Variants in ZDHHC20 observed in about 807,000 individuals in gnomAD.
ZDHHC20 encodes the protein palmitoyltransferase ZDHHC20.
ZDHHC20 carries 43 observed loss-of-function variants against 57.8 expected under a neutral mutation model. That is an observed-to-expected ratio of 0.74 (90% CI 0.58 to 0.96). The LOEUF is 0.96. Among genes scored for constraint, ZDHHC20 ranks in the 40% least tolerant of loss-of-function variants. The pLI, the probability that ZDHHC20 is intolerant of heterozygous loss-of-function variation, is 0.00. For missense variants in ZDHHC20, 391 were observed against 441.1 expected (o/e 0.89, Z 1.02); for synonymous variants, 157 against 153.0 (o/e 1.03, Z -0.19).
At chr13:21,425,271 A>T (rs1184274934) in intron 2 of ZDHHC20, among the ~76,000 whole-genome samples, 1 of 152,174 alleles carries the variant, frequency 6.6e-6, no homozygotes, top group Admixed American at 6.6e-5. Flanking sequence ...AACGAGAACC[A>T]TCAATAAAAT....
chr13:21,458,918 T>TA, intron 1 of ZDHHC20, 136 bp downstream of exon 1: 1 of 595,130 alleles, frequency 1.7e-6, no homozygotes, highest in East Asian at 3.5e-5. Context: ...ACCTCGGCGC[T>TA]TCCGAGCGCG....
intron 1 of ZDHHC20, among the ~76,000 whole-genome samples, chr13:21,453,965 G>C (rs553007490): frequency 3.9e-4 from 60 of 152,252 alleles, no homozygotes; most frequent in African/African-American, 1.3e-3. Context: ...TCCCGTCTCA[G>C]CCTCCTGAGT....
rs4062876 is a variant in ZDHHC20, at chr13:21,434,087, C to CGTGT, written c.119-8413_119-8410dup. 9.4e-3 allele frequency among the ~76,000 whole-genome samples: 1,410 copies of CGTGT among 150,700 alleles called. 13 individuals carry two copies. The highest frequency in any genetic ancestry group is 0.018 in the African/African-American group (729 of 41,114). On this transcript the variant is annotated intron_variant, in intron 1 of 12. Transcript: ENST00000400590. Reference sequence around the variant, plus strand: ...CAACAGGGTTTGTTTTCCTTTCCTACGTGTGTGTGTGTGTGTGTCTGTGTG... The same window carrying CGTGT: ...CAACAGGGTTTGTTTTCCTTTCCTACGTGTGTGTGTGTGTGTGTGTGTCTGTGTG...
At chr13:21,392,988 G>A (rs539780025) in intron 7 of ZDHHC20, among the ~76,000 whole-genome samples, 10 of 152,108 alleles carry the variant, frequency 6.6e-5, no homozygotes, top group East Asian at 1.9e-4. Flanking sequence ...GACTTCCTGC[G>A]GCAAAGCTTG....
At chr13:21,393,057 G>A (rs1479690033) in intron 7 of ZDHHC20, among the ~76,000 whole-genome samples, 1 of 151,948 alleles carries the variant, frequency 6.6e-6, no homozygotes, top group African/African-American at 2.4e-5. Context: ...CTAAACACTA[G>A]TTTTATAAAT....
intron 4 of ZDHHC20, chr13:21,404,274 CT>C (rs1878129263): frequency 2.1e-6 from 1 of 485,690 alleles, no homozygotes; most frequent in South Asian, 1.5e-5. Flanking sequence ...TTTCTTCAGC[CT>C]TTTCTAAAGC....
chr13:21,426,099 A>T (rs563252401), intron 1 of ZDHHC20, among the ~76,000 whole-genome samples: 1 of 152,352 alleles, frequency 6.6e-6, no homozygotes, highest in South Asian at 2.1e-4. Flanking sequence ...TTTCTAAAGA[A>T]AAAAGTAGAG....
chr13:21,454,028 T>G (rs952588378), intron 1 of ZDHHC20, among the ~76,000 whole-genome samples: 1 of 152,022 alleles, frequency 6.6e-6, no homozygotes, highest in Non-Finnish European at 1.5e-5. Flanking sequence ...TTGTATTTTT[T>G]GTAGAGATGG....
At chr13:21,450,158 A>AG (rs1431807124) in intron 1 of ZDHHC20, among the ~76,000 whole-genome samples, 2 of 152,018 alleles carry the variant, frequency 1.3e-5, no homozygotes, top group Non-Finnish European at 2.9e-5. Flanking sequence ...GGTTCAAGGG[A>AG]GAAAAAAAAA....
rs374523482 is a variant in ZDHHC20, at chr13:21,421,577, C to CA, written c.146-414dup. 8.5e-3 allele frequency among the ~76,000 whole-genome samples: 1,293 copies of CA among 152,220 alleles called. 10 individuals carry two copies. The highest frequency in any genetic ancestry group is 0.029 in the African/African-American group (1,223 of 41,528). On this transcript the variant is annotated intron_variant, in intron 2 of 12. Transcript: ENST00000400590. ...CAACTGAAAGTAAATAAGTTACCAT[C>CA]ACCATAAATGATGAATACATCTGAG...
chr13:21,459,284 G>A lies in ZDHHC20; in HGVS notation c.-113C>T, dbSNP rs1413821361. On this transcript the variant is annotated 5_prime_UTR_variant, in exon 1 of 13. Transcript: ENST00000400590. ...CTGCTGGTCCAGCTCCCCCGCCTCC[G>A]AGGCAGGACTTGTGGGAGCAAAAGT... The A allele has an allele frequency of 1.3e-6, 1 of 751,302 alleles. No homozygotes were observed. Among genetic ancestry groups the A allele is most frequent in the Non-Finnish European group, 2.0e-6 (1 of 493,006 alleles). The allele number at this position is 751,302 out of a possible 1,614,324, so 46.5% of individuals were successfully genotyped here.
intron 4 of ZDHHC20, among the ~76,000 whole-genome samples, chr13:21,406,145 T>C (rs1878410727): frequency 6.6e-6 from 1 of 152,230 alleles, no homozygotes; most frequent in South Asian, 2.1e-4. Context: ...AAACCCCTGC[T>C]GCCATATATC....
chr13:21,451,789 A>G (rs2138062800), intron 1 of ZDHHC20, among the ~76,000 whole-genome samples: 1 of 152,246 alleles, frequency 6.6e-6, no homozygotes, highest in African/African-American at 2.4e-5. Flanking sequence ...CAGGAGTTCA[A>G]GACTAGCCTG....
rs1003932546 is a variant in ZDHHC20 at position 21,374,253 on chromosome 13, T to C, written c.*2443A>G. ...ATATATATATATTTTTGAGATGGAG[T>C]TTCACTCGTCGCCCAGGCTGGAGTG... On this transcript the variant is annotated 3_prime_UTR_variant, in exon 13 of 13. Coordinates refer to ENST00000400590, the MANE Select transcript of ZDHHC20 (RefSeq NM_001330059.2). 5 of 273,402 alleles carry C rather than the reference T, an allele frequency of 1.8e-5. No homozygotes were observed. The highest frequency in any genetic ancestry group is 1.6e-4 in the East Asian group (2 of 12,474). 16.9% of individuals were successfully genotyped at this position (273,402 alleles called of 1,614,324 possible). A position where few individuals can be genotyped will look rare whatever the true frequency, so the allele number is the denominator to read the frequency against.
At chr13:21,418,911 T>C (rs1182134258) in intron 3 of ZDHHC20, among the ~76,000 whole-genome samples, 1 of 152,182 alleles carries the variant, frequency 6.6e-6, no homozygotes, top group Non-Finnish European at 1.5e-5. Flanking sequence ...TGGGCTAAAG[T>C]GATCTGCCTG....
intron 7 of ZDHHC20, among the ~76,000 whole-genome samples, chr13:21,396,921 G>C (rs1876882742): frequency 6.6e-6 from 1 of 152,108 alleles, no homozygotes; most frequent in Admixed American, 6.6e-5. Context: ...ATCTTTAGAA[G>C]TGTCTCACAT....
In ZDHHC20 at chr13:21,412,955, G is replaced by A. The variant is rs140445665; in HGVS notation, c.370+697C>T. On this transcript the variant is annotated intron_variant, in intron 4 of 12. Transcript: ENST00000400590. ...TGCACTCAAGCCTGGGCCACAGAGC[G>A]AGACTCCGTCTCAAAAAAAAAAAAA... Among the ~76,000 whole-genome samples, 718 of 119,314 alleles carry A rather than the reference G, an allele frequency of 6.0e-3. 6 individuals carry two copies. Among genetic ancestry groups the A allele is most frequent in the African/African-American group, 0.022 (668 of 30,022 alleles). The allele number at this position is 119,314 out of a possible 152,430, so 78.3% of individuals were successfully genotyped here.
chr13:21,403,075 C>T (rs1877935041), intron 4 of ZDHHC20, among the ~76,000 whole-genome samples: 1 of 152,112 alleles, frequency 6.6e-6, no homozygotes, highest in Non-Finnish European at 1.5e-5. Flanking sequence ...ATGTAGTTTG[C>T]TCAGCAATTT....
intron 2 of ZDHHC20, among the ~76,000 whole-genome samples, chr13:21,423,820 T>C (rs575521030): frequency 9.9e-5 from 15 of 151,986 alleles, no homozygotes; most frequent in African/African-American, 3.6e-4. Flanking sequence ...TTAACAACTA[T>C]GCAATGTTAT....
Sources: allele counts gnomAD v4.1 joint callset (sites outside exome capture counted in the v4.1 genomes callset), GRCh38; gene constraint gnomAD v4.1.1; transcripts MANE v1.5; gene names NCBI Gene and HGNC (gene_info 2026-07-23, HGNC 2026-07-21).